Variants in TASOR observed in about 807,000 individuals in gnomAD.
TASOR encodes transcription activation suppressor, also known as protein TASOR.
Under a neutral mutation model 178.6 loss-of-function variants are expected in TASOR, and 53 were observed. That is an observed-to-expected ratio of 0.30 (90% CI 0.24 to 0.37). TASOR has a LOEUF of 0.37. TASOR is among the 10% of genes least tolerant of loss of function. The pLI is 1.00. For synonymous variants in TASOR, 713 were observed against 696.2 expected (o/e 1.02, Z -0.38); for missense variants, 1,815 against 1,971.4 (o/e 0.92, Z 1.50).
chr3:56,677,789 A>AT (rs891822222), intron 1 of TASOR, among the ~76,000 whole-genome samples: 2 of 152,018 alleles, frequency 1.3e-5, no homozygotes, highest in African/African-American at 2.4e-5. Flanking sequence ...AAATTTCTTA[A>AT]TTTTTTCTGA....
At chr3:56,625,916 C>T (rs1333798925) in intron 21 of TASOR, among the ~76,000 whole-genome samples, 2 of 152,140 alleles carry the variant, frequency 1.3e-5, no homozygotes, top group Non-Finnish European at 2.9e-5. Flanking sequence ...GCCACCGTGC[C>T]CGGCCAGCTC....
chr3:56,627,295 A>T (rs2076820207), intron 20 of TASOR, 150 bp from the exon 21 acceptor site: 2 of 627,656 alleles, frequency 3.2e-6, no homozygotes, highest in South Asian at 2.0e-5. Context: ...ACAGATCTAT[A>T]CATGCCTAAA....
chr3:56,666,604 C>A (rs1260934694), intron 6 of TASOR, among the ~76,000 whole-genome samples: 1 of 152,114 alleles, frequency 6.6e-6, no homozygotes, highest in African/African-American at 2.4e-5. Flanking sequence ...CAGAGTATTA[C>A]TAACTATTCC....
chr3:56,623,946 T>C (rs1280994949), intron 23 of TASOR: 1 of 856,302 alleles, frequency 1.2e-6, no homozygotes. Context: ...TAGCACTAAA[T>C]GAATGATCAT....
intron 21 of TASOR, among the ~76,000 whole-genome samples, chr3:56,626,630 C>G (rs1453822018): frequency 6.6e-6 from 1 of 151,994 alleles, no homozygotes; most frequent in Non-Finnish European, 1.5e-5. Flanking sequence ...GTAATCTCAG[C>G]TACTTGAGAG....
At chr3:56,624,747 C>A in intron 22 of TASOR, 81 bp downstream of exon 22, 2 of 1,547,398 alleles carry the variant, frequency 1.3e-6, no homozygotes, top group Non-Finnish European at 1.8e-6. Flanking sequence ...CAAAGCTTAG[C>A]AATACCCACC....
Position 56,666,154 on chromosome 3 carries a change from A to C in TASOR, c.1022+106T>G. The C allele has an allele frequency of 5.8e-5, 26 of 450,078 alleles. No homozygotes were observed. The African/African-American group carries it at 1.4e-3, about 24-fold the overall frequency. The allele number at this position is 450,078 out of a possible 1,614,324, so 27.9% of individuals were successfully genotyped here. Reference sequence around the variant, plus strand: ...CTCCAACCAACTTCAAGGGAAGTTAAAAAAAAAAAAATGGGAAGGAAACAA... The same window carrying C: ...CTCCAACCAACTTCAAGGGAAGTTACAAAAAAAAAAATGGGAAGGAAACAA... On this transcript the variant is annotated intron_variant, in intron 7 of 23. Transcript: ENST00000683822.
At chr3:56,625,037 C>G in intron 21 of TASOR, 31 bp from the exon 22 acceptor site, 2 of 1,587,354 alleles carry the variant, frequency 1.3e-6, no homozygotes, top group South Asian at 1.1e-5. Flanking sequence ...GTTTCTGGAT[C>G]TGTACTTCTA....
At chr3:56,660,284 G>C (rs529848817) in intron 11 of TASOR, among the ~76,000 whole-genome samples, 107 of 151,996 alleles carry the variant, frequency 7.0e-4, no homozygotes, top group Admixed American at 1.4e-3. Context: ...GAGGTCAGGA[G>C]ATTGAGACCA....
At chr3:56,669,639 A>G in intron 5 of TASOR, 61 bp downstream of exon 5, 1 of 1,086,754 alleles carries the variant, frequency 9.2e-7, no homozygotes, top group South Asian at 1.5e-5. Context: ...AGCATCATCT[A>G]AAAATTAAAA....
intron 18 of TASOR, among the ~76,000 whole-genome samples, chr3:56,631,379 T>C (rs1375243401): frequency 6.6e-6 from 1 of 152,092 alleles, no homozygotes; most frequent in Non-Finnish European, 1.5e-5. Flanking sequence ...ACTCCATAAA[T>C]GAGAGCAGGC....
chr3:56,682,249 A>G (rs574709534), intron 1 of TASOR, among the ~76,000 whole-genome samples: 1 of 152,324 alleles, frequency 6.6e-6, no homozygotes, highest in South Asian at 2.1e-4. Flanking sequence ...AGAAGCACTC[A>G]TGGTCCTCAG....
intron 1 of TASOR, among the ~76,000 whole-genome samples, chr3:56,675,031 T>A (rs1352860255): frequency 1.3e-5 from 2 of 152,136 alleles, no homozygotes; most frequent in East Asian, 3.9e-4. Context: ...TTCACTGTGT[T>A]AGCCAGGATG....
At chr3:56,668,678 A>G (rs1032310718) in intron 5 of TASOR, 120 bp from the exon 6 acceptor site, 1 of 785,416 alleles carries the variant, frequency 1.3e-6, no homozygotes, top group Non-Finnish European at 1.9e-6. Flanking sequence ...TTTCCCTTTA[A>G]TATCTCACAG....
At position 56,628,551 on chromosome 3, in the gene TASOR, T is replaced by G. The variant is rs1227434671; in HGVS notation, c.3811A>C (p.Lys1271Gln). The change falls in exon 19 of 24, where the codon AAA (lysine) becomes CAA (glutamine). Residue 1271 changes from lysine to glutamine, a missense_variant. Lys to Gln is a moderately conservative substitution (Grantham distance 53). Coordinates refer to ENST00000683822, the MANE Select transcript of TASOR (RefSeq NM_001365635.2). ...HPEQFLERRSKLDKLLIIIQN... is the reference protein window; with the variant it reads ...HPEQFLERRSQLDKLLIIIQN... ...ATAATAATCAATAGTTTATCTAATT[T>G]TGATCTTCTTTCCAAAAACTGTTCA... The G allele has an allele frequency of 1.3e-6, 2 of 1,599,770 alleles. No homozygotes were observed. Among genetic ancestry groups the G allele is most frequent in the Non-Finnish European group, 1.7e-6 (2 of 1,169,082 alleles).
At chr3:56,648,631 C>CA (rs56218279) in intron 13 of TASOR, among the ~76,000 whole-genome samples, 191 bp downstream of exon 13, 2,868 of 84,436 alleles carry the variant, frequency 0.034, 158 homozygotes, top group Non-Finnish European at 0.052. Flanking sequence ...AACTCTGTAT[C>CA]AAAAAAAAAA....
In TASOR at chr3:56,683,086, C is replaced by A; in HGVS notation, c.-80G>T. The A allele has an allele frequency of 1.4e-6, 2 of 1,395,050 alleles. No homozygotes were observed. The highest frequency in any genetic ancestry group is 1.5e-5 in the South Asian group (1 of 67,798). The allele number at this position is 1,395,050 out of a possible 1,614,324, so 86.4% of individuals were successfully genotyped here. A position where few individuals can be genotyped will look rare whatever the true frequency, so the allele number is the denominator to read the frequency against. ...GGGGGAAGGGGCGGCGGGCCAGTCT[C>A]GCCGCCGAGCTGCTCTCAGCCCACC... On this transcript the variant is annotated 5_prime_UTR_variant, in exon 1 of 24. Transcript: ENST00000683822.
chr3:56,669,064 C>A (rs972398720), intron 5 of TASOR, among the ~76,000 whole-genome samples: 1 of 151,496 alleles, frequency 6.6e-6, no homozygotes, highest in Non-Finnish European at 1.5e-5. Flanking sequence ...AAAAAAAAAT[C>A]ATTTGAACTT....
Position 56,638,697 on chromosome 3 carries a change from C to T in TASOR, c.2824+9G>A, listed in dbSNP as rs1366309352. 1.2e-6 allele frequency: 2 copies of T among 1,614,050 alleles called. No individual in the cohort carries two copies. Among genetic ancestry groups the T allele is most frequent in the Non-Finnish European group, 1.7e-6 (2 of 1,179,954 alleles). ...ACACTGGGAAGAAAAGCAAAGCAAGCCTTCTCACCTGGTGTTTGTTTCTCA... is the reference window on the plus strand; with the variant it reads ...ACACTGGGAAGAAAAGCAAAGCAAGTCTTCTCACCTGGTGTTTGTTTCTCA... On this transcript the variant is annotated intron_variant, in intron 17 of 23. Coordinates refer to ENST00000683822, the MANE Select transcript of TASOR (RefSeq NM_001365635.2).
Sources: allele counts gnomAD v4.1 joint callset (sites outside exome capture counted in the v4.1 genomes callset), GRCh38; gene constraint gnomAD v4.1.1; transcripts MANE v1.5; gene names NCBI Gene and HGNC (gene_info 2026-07-23, HGNC 2026-07-21).